The following PCDHGB3 variants were observed in gnomAD, a reference collection of about 807,000 sequenced individuals.
PCDHGB3 encodes the protein protocadherin gamma subfamily B, 3, also known as protocadherin gamma-B3.
A neutral mutation model predicts 59.2 loss-of-function variants in PCDHGB3; 40 were observed. The ratio of observed to expected loss-of-function variants is 0.68; its 90% CI spans 0.52 to 0.88. The LOEUF (loss-of-function observed/expected upper bound fraction) is 0.88. PCDHGB3 is among the 40% of genes least tolerant of loss of function. The pLI, the probability that PCDHGB3 is intolerant of heterozygous loss-of-function variation, is 0.00. For missense variants in PCDHGB3, 1,309 were observed against 1,187.9 expected (o/e 1.10, Z -1.50); for synonymous variants, 581 against 503.6 (o/e 1.15, Z -2.06).
intron 1 of PCDHGB3, chr5:141,379,532 T>C (rs547960333): frequency 7.9e-5 from 12 of 152,376 alleles, no homozygotes; most frequent in African/African-American, 2.9e-4. Context: ...TTTGTTGTTA[T>C]AGGGAAAGCT....
intron 1 of PCDHGB3, among the ~76,000 whole-genome samples, chr5:141,438,019 G>A (rs1031334687): frequency 1.3e-5 from 2 of 152,104 alleles, no homozygotes; most frequent in Non-Finnish European, 2.9e-5. Context: ...GAGATTACAG[G>A]TGTGAGCCAC....
chr5:141,471,626 G>A (rs938624727), intron 1 of PCDHGB3: 2 of 152,108 alleles, frequency 1.3e-5, no homozygotes, highest in South Asian at 4.1e-4. Context: ...GTAAGCATTG[G>A]TATGGATTAG....
chr5:141,433,017 A>G, intron 1 of PCDHGB3: 2 of 1,614,124 alleles, frequency 1.2e-6, no homozygotes, highest in Non-Finnish European at 8.5e-7. Context: ...CTGCAGACCT[A>G]TTCCCACGAG....
intron 1 of PCDHGB3, chr5:141,399,213 T>G (rs2093770836): frequency 6.2e-7 from 1 of 1,613,970 alleles, no homozygotes; most frequent in East Asian, 2.2e-5. Context: ...GAACACTAAT[T>G]GCTTTGATCA....
At chr5:141,461,820 A>AT (rs1458631685) in intron 1 of PCDHGB3, among the ~76,000 whole-genome samples, 5 of 147,814 alleles carry the variant, frequency 3.4e-5, no homozygotes, top group African/African-American at 7.5e-5. Context: ...CACCCAGCTA[A>AT]TTTTTTTTTC....
rs199934753 is a variant in PCDHGB3, at chr5:141,372,684, G to A, written c.2290G>A (p.Glu764Lys). ...TGCTGCCTCACATTCCTCAAACACC[G>A]AGTTTAAATTTCTCAATATAAAGGC... ...PCAASHSSNT[E>K]FKFLNIKAEN... The change falls in exon 1 of 4, where the codon GAG (glutamate) becomes AAG (lysine). Residue 764 changes from glutamate to lysine, a missense_variant. Coordinates refer to ENST00000576222, the MANE Select transcript of PCDHGB3 (RefSeq NM_018924.5). The A allele has an allele frequency of 3.2e-4, 524 of 1,613,850 alleles. No individual in the cohort carries two copies. Among genetic ancestry groups the A allele is most frequent in the Non-Finnish European group, 4.1e-4 (487 of 1,179,906 alleles).
chr5:141,401,765 G>C (rs2094191872), intron 1 of PCDHGB3, among the ~76,000 whole-genome samples: 1 of 152,138 alleles, frequency 6.6e-6, no homozygotes. Context: ...CATGGTATAA[G>C]TCTTTTGCTT....
chr5:141,491,571 C>CT lies in PCDHGB3; in HGVS notation c.2416-3232dup. On this transcript the variant is annotated intron_variant, in intron 1 of 3. Coordinates refer to ENST00000576222, the MANE Select transcript of PCDHGB3 (RefSeq NM_018924.5). The surrounding 1 kb of genome is among the most constrained non-coding windows in gnomAD (Gnocchi z 6.9). ...CGCAGAGCCACTGCTACAGGACGTG[C>CT]TTTTCACCGGCCTCGGACGGCAGTG... 6.2e-7 allele frequency: 1 copy of CT among 1,614,026 alleles called. No homozygotes were observed. Among genetic ancestry groups the CT allele is most frequent in the Non-Finnish European group, 8.5e-7 (1 of 1,180,042 alleles).
chr5:141,491,232 G>C lies in PCDHGB3; in HGVS notation c.2416-3575G>C. The C allele has an allele frequency of 6.2e-7, 1 of 1,614,220 alleles. No individual in the cohort carries two copies. Among genetic ancestry groups the C allele is most frequent in the Non-Finnish European group, 8.5e-7 (1 of 1,180,034 alleles). On this transcript the variant is annotated intron_variant, in intron 1 of 3. Coordinates refer to ENST00000576222, the MANE Select transcript of PCDHGB3 (RefSeq NM_018924.5). The surrounding 1 kb of genome is among the most constrained non-coding windows in gnomAD (Gnocchi z 6.9). ...TCTCCTCCACAGCCACAGTGCTGCT[G>C]GTTCTGGAGGATGAGGACCCTGAGG... is the stretch of plus-strand genomic sequence containing the variant.
chr5:141,444,152 ATTTTTTTTTTTTTT>A (rs747671382), intron 1 of PCDHGB3, among the ~76,000 whole-genome samples: 241 of 33,882 alleles, frequency 7.1e-3, no homozygotes, highest in African/African-American at 0.019. Flanking sequence ...TGTGTACTGG[ATTTTTTTTTTTTTT>A]TTTTTTTTTT....
chr5:141,374,534 C>T (rs868822562), intron 1 of PCDHGB3: 2 of 1,613,096 alleles, frequency 1.2e-6, no homozygotes, highest in Non-Finnish European at 1.7e-6. Flanking sequence ...TCCATCCTCT[C>T]GTTTTCCACT....
In PCDHGB3 at chr5:141,487,822, G is replaced by T. The variant is rs1406642768; in HGVS notation, c.2416-6985G>T. ...TGTCACAGTTTAGCATTGGGGGCGG[G>T]TCATGCCTATATCTGAGTAAGAAAT... On this transcript the variant is annotated intron_variant, in intron 1 of 3. Coordinates refer to ENST00000576222, the MANE Select transcript of PCDHGB3 (RefSeq NM_018924.5). This position sits in a 1 kb window ranked among gnomAD's most constrained non-coding sequence, Gnocchi z 5.0. The T allele has an allele frequency of 3.1e-6, 4 of 1,278,640 alleles. No homozygotes were observed. The East Asian group carries it at 7.6e-5, about 24-fold the overall frequency. 79.2% of individuals were successfully genotyped at this position (1,278,640 alleles called of 1,614,324 possible). A position where few individuals can be genotyped will look rare whatever the true frequency, so the allele number is the denominator to read the frequency against.
At chr5:141,416,362 G>A (rs562901653) in intron 1 of PCDHGB3, 4 of 152,306 alleles carry the variant, frequency 2.6e-5, no homozygotes, top group African/African-American at 7.2e-5. Flanking sequence ...GGAGGCTATA[G>A]AGGGTGAAAT....
intron 1 of PCDHGB3, chr5:141,422,941 G>C (rs777535652): frequency 1.2e-6 from 2 of 1,614,218 alleles, no homozygotes; most frequent in Non-Finnish European, 1.7e-6. Context: ...CCCCACAGAC[G>C]GCTCCACTGG....
At chr5:141,387,739 C>T (rs182945836) in intron 1 of PCDHGB3, 1 of 1,328,598 alleles carries the variant, frequency 7.5e-7, no homozygotes, top group East Asian at 2.5e-5. Context: ...AGCCTTTACA[C>T]CGCTTCCTCC....
rs747044319 is a variant in PCDHGB3 at position 141,382,892 on chromosome 5, G to C, written c.2415+10083G>C. The C allele has an allele frequency of 3.7e-5, 57 of 1,534,302 alleles. No individual in the cohort carries two copies. In the East Asian group the frequency reaches 9.8e-4, roughly 26 times the overall value. On this transcript the variant is annotated intron_variant, in intron 1 of 3. Coordinates refer to ENST00000576222, the MANE Select transcript of PCDHGB3 (RefSeq NM_018924.5). ...GATCGGCGCCTAAGCAAGAGAAGCA[G>C]GACGACTATGGCGGCTCAGCCGAGG...
In PCDHGB3 at chr5:141,511,106, G is replaced by A. The variant is rs536900646; in HGVS notation, c.2723G>A (p.Arg908Gln). 4.6e-5 allele frequency: 75 copies of A among 1,614,196 alleles called. No individual in the cohort carries two copies. In the East Asian group the frequency reaches 5.8e-4, roughly 12 times the overall value. Reference protein sequence around the residue: ...NATLTNAAGKRDGKAPAGGNG... With the variant: ...NATLTNAAGKQDGKAPAGGNG... ...ACACTGACCAACGCAGCTGGCAAGC[G>A]GGATGGCAAGGCCCCAGCAGGTGGC... The change falls in exon 4 of 4, where the codon CGG (arginine) becomes CAG (glutamine). Residue 908 changes from arginine (R) to glutamine (Q), a missense_variant. Coordinates refer to ENST00000576222, the MANE Select transcript of PCDHGB3 (RefSeq NM_018924.5).
At chr5:141,374,199 T>C in intron 1 of PCDHGB3, 2 of 1,613,856 alleles carry the variant, frequency 1.2e-6, no homozygotes, top group Non-Finnish European at 1.7e-6. Flanking sequence ...CCCGAGGAGC[T>C]GGAGAAAGGC....
At chr5:141,389,141 C>G (rs919430175) in intron 1 of PCDHGB3, 1 of 1,613,878 alleles carries the variant, frequency 6.2e-7, no homozygotes, top group African/African-American at 1.3e-5. Context: ...ACAATATAAC[C>G]GTTACGGCAA....
Sources: gnomAD v4.1 joint callset for allele counts (sites outside exome capture counted in the v4.1 genomes callset) on GRCh38, gnomAD v4.1.1 for gene constraint, Gnocchi (gnomAD v3.1) non-coding constraint, MANE v1.5 for transcripts, NCBI Gene and HGNC (gene_info 2026-07-23, HGNC 2026-07-21) for gene names.